Variants in TNRC6A observed in about 807,000 individuals in gnomAD.
The protein encoded by TNRC6A is trinucleotide repeat containing adaptor 6A, also known as trinucleotide repeat-containing gene 6A protein.
In TNRC6A, 44 loss-of-function variants were observed where a neutral mutation model predicts 221.2. The ratio of observed to expected loss-of-function variants is 0.20; its 90% CI spans 0.16 to 0.26. The LOEUF (loss-of-function observed/expected upper bound fraction) is 0.26, where lower values mean the gene tolerates loss of function less well. Among genes scored for constraint, TNRC6A ranks in the 10% least tolerant of loss-of-function variants. TNRC6A has a pLI of 1.00. For missense variants in TNRC6A, 2,199 were observed against 2,404.4 expected (o/e 0.91, Z 1.79); for synonymous variants, 847 against 838.5 (o/e 1.01, Z -0.18).
At chr16:24,818,403 A>G (rs902403894) in intron 20 of TNRC6A, among the ~76,000 whole-genome samples, 190 bp from the exon 21 acceptor site, 1 of 152,196 alleles carries the variant, frequency 6.6e-6, no homozygotes, top group Non-Finnish European at 1.5e-5. Flanking sequence ...GGCAGAGACA[A>G]TTGGCGAGCT....
chr16:24,702,089 T>C (rs1450839040), intron 2 of TNRC6A, among the ~76,000 whole-genome samples: 1 of 95,814 alleles, frequency 1.0e-5, no homozygotes, highest in Non-Finnish European at 1.9e-5. Context: ...AACTCTATTT[T>C]CTTTTCTTTT....
At chr16:24,615,636 G>A (rs916780503) in intron 1 of TNRC6A, among the ~76,000 whole-genome samples, 11 of 152,178 alleles carry the variant, frequency 7.2e-5, no homozygotes, top group Non-Finnish European at 1.5e-4. Flanking sequence ...TTGCTGAGAC[G>A]CTGAATAAAA....
At chr16:24,813,809 G>A (rs190904537) in intron 18 of TNRC6A, among the ~76,000 whole-genome samples, 16 of 152,236 alleles carry the variant, frequency 1.1e-4, no homozygotes, top group Admixed American at 8.5e-4. Context: ...TTGCTGCCTC[G>A]TTATATCATC....
upstream of TNRC6A, among the ~76,000 whole-genome samples, chr16:24,725,595 T>C (rs1408027652): frequency 6.6e-6 from 1 of 152,138 alleles, no homozygotes; most frequent in South Asian, 2.1e-4. Context: ...AGAAACATTC[T>C]TTGTTGCATA....
At chr16:24,774,887 C>A (rs1448871683) in intron 4 of TNRC6A, among the ~76,000 whole-genome samples, 1 of 152,142 alleles carries the variant, frequency 6.6e-6, no homozygotes, top group Non-Finnish European at 1.5e-5. Context: ...TTTGAATCAT[C>A]TCTAGATTAC....
At chr16:24,610,372 T>A (rs1899990034) in exon 1 of TNRC6A, 1 of 152,248 alleles carries the variant, frequency 6.6e-6, no homozygotes, top group South Asian at 2.1e-4. Flanking sequence ...GGAAAACCCG[T>A]CGTCTTGCAG....
intron 18 of TNRC6A, among the ~76,000 whole-genome samples, chr16:24,812,136 G>A (rs777938971): frequency 2.2e-5 from 3 of 138,632 alleles, no homozygotes; most frequent in Non-Finnish European, 3.0e-5. Flanking sequence ...TGCAACCCTC[G>A]TCTCTGGGAT....
At chr16:24,658,060 C>T (rs1315243507) in intron 2 of TNRC6A, among the ~76,000 whole-genome samples, 2 of 151,952 alleles carry the variant, frequency 1.3e-5, no homozygotes, top group Admixed American at 6.6e-5. Context: ...TTTATTTCTC[C>T]GTGCCTGGAT....
chr16:24,633,010 GAA>G (rs34901021), intron 1 of TNRC6A, among the ~76,000 whole-genome samples: 5 of 129,018 alleles, frequency 3.9e-5, no homozygotes, highest in Non-Finnish European at 8.0e-5. Context: ...ACTCAGTCTC[GAA>G]AAAAAAAAAA....
chr16:24,701,977 A>C (rs35402503), intron 2 of TNRC6A, among the ~76,000 whole-genome samples: 74,419 of 151,472 alleles, frequency 0.49, 19,547 homozygotes, highest in East Asian at 0.82. Flanking sequence ...CTGTACTGAA[A>C]AAAAACAAAA....
At chr16:24,654,541 C>T (rs890857330) in intron 2 of TNRC6A, among the ~76,000 whole-genome samples, 1 of 152,058 alleles carries the variant, frequency 6.6e-6, no homozygotes, top group African/African-American at 2.4e-5. Flanking sequence ...CCCGTCTATA[C>T]TTTAAAAATA....
chr16:24,701,645 C>T (rs936990985), intron 2 of TNRC6A, among the ~76,000 whole-genome samples: 1 of 152,174 alleles, frequency 6.6e-6, no homozygotes. Flanking sequence ...GGATTACAGG[C>T]GTGAGCCACA....
chr16:24,805,775 C>CTAG, intron 15 of TNRC6A, 42 bp downstream of exon 15: 1 of 1,612,816 alleles, frequency 6.2e-7, no homozygotes, highest in South Asian at 1.1e-5. Context: ...ATTTATGGAG[C>CTAG]ATCTACTGTA....
intron 2 of TNRC6A, among the ~76,000 whole-genome samples, chr16:24,655,103 G>A (rs2054882545): frequency 1.3e-5 from 2 of 152,062 alleles, no homozygotes; most frequent in African/African-American, 4.8e-5. Flanking sequence ...ATTTAGCTGG[G>A]CATGGTGGCA....
At chr16:24,680,655 G>T (rs184543245) in intron 2 of TNRC6A, among the ~76,000 whole-genome samples, 1 of 150,348 alleles carries the variant, frequency 6.7e-6, no homozygotes, top group Non-Finnish European at 1.5e-5. Context: ...GGCAGAGGTT[G>T]TGGTGAGCCA....
intron 5 of TNRC6A, among the ~76,000 whole-genome samples, chr16:24,785,186 T>A (rs565426779): frequency 6.6e-6 from 1 of 152,358 alleles, no homozygotes; most frequent in East Asian, 1.9e-4. Flanking sequence ...TTCAACTATT[T>A]CCTGATAATG....
chr16:24,623,030 T>A (rs527578333), intron 1 of TNRC6A, among the ~76,000 whole-genome samples: 2 of 152,190 alleles, frequency 1.3e-5, no homozygotes. Flanking sequence ...AGTTTGGAAG[T>A]GTATTTGACA....
Position 24,797,915 on chromosome 16 carries a change from A to C in TNRC6A, c.3643A>C (p.Arg1215=), listed in dbSNP as rs1225169387. The change falls in exon 11 of 25, where the codon AGA becomes CGA. Residue 1215 remains arginine (R), a splice_region_variant and synonymous_variant. Transcript: ENST00000395799. ...AACATGCTGCATTTTCTTTCTTCAG[A>C]GAGACTCACCAGAGGAAAATGTACA... ...VKQFSNISFS[R]DSPEENVQSN... 1.2e-6 allele frequency: 2 copies of C among 1,608,342 alleles called. No homozygotes were observed. The highest frequency in any genetic ancestry group is 2.7e-5 in the African/African-American group (2 of 74,948).
At chr16:24,711,743 T>C (rs1467904668) in intron 2 of TNRC6A, among the ~76,000 whole-genome samples, 1 of 152,180 alleles carries the variant, frequency 6.6e-6, no homozygotes, top group East Asian at 1.9e-4. Flanking sequence ...ACTTACATTC[T>C]GGCTATTGTT....
Sources: allele counts gnomAD v4.1 joint callset (sites outside exome capture counted in the v4.1 genomes callset), GRCh38; gene constraint gnomAD v4.1.1; transcripts MANE v1.5; gene names NCBI Gene and HGNC (gene_info 2026-07-23, HGNC 2026-07-21).